Variants in GRIA4 observed in about 807,000 individuals in gnomAD.
The protein encoded by GRIA4 is glutamate receptor 4.
In GRIA4, 34 loss-of-function variants were observed where a neutral mutation model predicts 104.0. That is an observed-to-expected ratio of 0.33 (90% CI 0.25 to 0.44). GRIA4 has a LOEUF of 0.44. GRIA4 is among the 20% of genes least tolerant of loss of function. The pLI is 1.00. For missense variants in GRIA4, 750 were observed against 1,096.5 expected (o/e 0.68, Z 4.46); for synonymous variants, 386 against 381.9 (o/e 1.01, Z -0.13).
intron 3 of GRIA4, among the ~76,000 whole-genome samples, chr11:105,729,313 A>G (rs1357677967): frequency 2.0e-5 from 3 of 152,218 alleles, no homozygotes; most frequent in Non-Finnish European, 4.4e-5. Context: ...GAAGAAGTTG[A>G]ATCCCTGAAT....
intron 3 of GRIA4, among the ~76,000 whole-genome samples, chr11:105,733,422 CT>C (rs1302991068): frequency 2.6e-5 from 4 of 151,998 alleles, no homozygotes; most frequent in African/African-American, 9.7e-5. Context: ...GGTGCCCATT[CT>C]TTAGTTTCTC....
intron 3 of GRIA4, among the ~76,000 whole-genome samples, chr11:105,694,906 T>G (rs1953215115): frequency 6.6e-6 from 1 of 152,304 alleles, no homozygotes; most frequent in Non-Finnish European, 1.5e-5. Context: ...TTATTTTTAT[T>G]AATAGCAATA....
intron 4 of GRIA4, among the ~76,000 whole-genome samples, chr11:105,782,234 C>A (rs1221365874): frequency 6.6e-6 from 1 of 152,140 alleles, no homozygotes; most frequent in Admixed American, 6.6e-5. Context: ...ATGAATCTCA[C>A]AATTAATCAG....
Position 105,751,375 on chromosome 11 carries a change from G to A in GRIA4, c.248-1606G>A, listed in dbSNP as rs559577464. Among the ~76,000 whole-genome samples, 4 of 152,252 alleles carry A rather than the reference G, an allele frequency of 2.6e-5. No individual in the cohort carries two copies. The South Asian group carries it at 6.2e-4, about 24-fold the overall frequency. The stretch of plus-strand genomic sequence containing the variant: ...GAACATTTACAGATTAGGGTCTGAC[G>A]CAGCAACTTGATTTATTAGATCACT... On this transcript the variant is annotated intron_variant, in intron 3 of 16. Coordinates refer to ENST00000282499, the MANE Select transcript of GRIA4 (RefSeq NM_000829.4).
intron 4 of GRIA4, among the ~76,000 whole-genome samples, chr11:105,849,707 TATAAATA>T (rs1944728603): frequency 6.6e-6 from 1 of 152,186 alleles, no homozygotes; most frequent in Non-Finnish European, 1.5e-5. Flanking sequence ...ATTAAGCCAG[TATAAATA>T]GAATTTCATA....
intron 7 of GRIA4, among the ~76,000 whole-genome samples, chr11:105,903,046 T>C (rs1946915443): frequency 6.6e-6 from 1 of 152,156 alleles, no homozygotes; most frequent in African/African-American, 2.4e-5. Context: ...TTAATAATCT[T>C]TTCTCAGAGG....
chr11:105,920,304 G>A (rs1274992639), intron 11 of GRIA4, among the ~76,000 whole-genome samples: 6 of 152,152 alleles, frequency 3.9e-5, no homozygotes, highest in Admixed American at 3.9e-4. Flanking sequence ...AAGGAAAAGG[G>A]TTTCTAAAGC....
chr11:105,901,897 C>T (rs1486814845), intron 7 of GRIA4, among the ~76,000 whole-genome samples: 1 of 152,134 alleles, frequency 6.6e-6, no homozygotes, highest in East Asian at 1.9e-4. Context: ...TTTTCTCTTG[C>T]CCTTTGTGAC....
chr11:105,901,167 C>T (rs533559545), intron 7 of GRIA4, among the ~76,000 whole-genome samples: 1 of 152,112 alleles, frequency 6.6e-6, no homozygotes, highest in South Asian at 2.1e-4. Context: ...TCAAAGAGCT[C>T]TCAGATATGA....
chr11:105,689,593 A>C (rs1953014093), intron 3 of GRIA4, among the ~76,000 whole-genome samples: 1 of 152,196 alleles, frequency 6.6e-6, no homozygotes, highest in Non-Finnish European at 1.5e-5. Flanking sequence ...TACACATTTT[A>C]TTGGCCAGAT....
intron 13 of GRIA4, among the ~76,000 whole-genome samples, 197 bp from the exon 14 acceptor site, chr11:105,933,525 A>T (rs1947943813): frequency 6.6e-6 from 1 of 152,170 alleles, no homozygotes; most frequent in Admixed American, 6.6e-5. Flanking sequence ...TATCATTTCC[A>T]TGATTTCCTT....
chr11:105,612,244 A>G (rs1396251880), intron 2 of GRIA4, 32 bp from the exon 3 acceptor site: 14 of 1,607,590 alleles, frequency 8.7e-6, no homozygotes, highest in Non-Finnish European at 1.2e-5. Flanking sequence ...AAGAGGAAAC[A>G]GTGAATGTGC....
At chr11:105,666,793 A>C (rs577263530) in intron 3 of GRIA4, among the ~76,000 whole-genome samples, 5 of 151,102 alleles carry the variant, frequency 3.3e-5, no homozygotes, top group Admixed American at 2.0e-4. Context: ...ACATTATTTA[A>C]TTCTCTCCTT....
intron 4 of GRIA4, among the ~76,000 whole-genome samples, chr11:105,808,553 A>T (rs749305907): frequency 6.6e-6 from 1 of 152,074 alleles, no homozygotes; most frequent in South Asian, 2.1e-4. Context: ...GTCTTTGAGC[A>T]TACCTGTAAT....
chr11:105,753,036 G>A lies in GRIA4; in HGVS notation c.303G>A (p.Arg101=), dbSNP rs1370297802. ...VFAIFGLYDK[R]SVHTLTSFCS... is the part of the protein sequence containing the mutation. The stretch of plus-strand genomic sequence containing the variant: ...CCATTTTTGGACTCTATGATAAGAG[G>A]TCGGTACATACCTTGACCTCATTCT... Residue 101 remains arginine, a synonymous_variant, in exon 4 of 17, where the codon AGG becomes AGA. Transcript: ENST00000282499. The A allele has an allele frequency of 1.2e-6, 2 of 1,613,312 alleles. No homozygotes were observed. The highest frequency in any genetic ancestry group is 1.7e-6 in the Non-Finnish European group (2 of 1,179,376).
At chr11:105,939,073 C>T (rs1322603420) in intron 14 of GRIA4, among the ~76,000 whole-genome samples, 1 of 152,044 alleles carries the variant, frequency 6.6e-6, no homozygotes, top group African/African-American at 2.4e-5. Flanking sequence ...ACTCACAAGG[C>T]ATTATACATG....
intron 3 of GRIA4, among the ~76,000 whole-genome samples, chr11:105,644,024 C>T (rs942700469): frequency 6.6e-6 from 1 of 152,088 alleles, no homozygotes; most frequent in Non-Finnish European, 1.5e-5. Context: ...TGGCCCTTGC[C>T]TTGGTTTTAA....
chr11:105,660,392 G>A (rs1951972808), intron 3 of GRIA4, among the ~76,000 whole-genome samples: 1 of 151,766 alleles, frequency 6.6e-6, no homozygotes, highest in East Asian at 1.9e-4. Context: ...TGACATTACA[G>A]ATCTAGGGAC....
chr11:105,961,515 T>C (rs917607410), intron 14 of GRIA4, among the ~76,000 whole-genome samples: 2 of 152,220 alleles, frequency 1.3e-5, no homozygotes, highest in Non-Finnish European at 2.9e-5. Flanking sequence ...TAATGTAGTA[T>C]GAAGAGAGCA....
Sources: allele counts gnomAD v4.1 joint callset (sites outside exome capture counted in the v4.1 genomes callset), GRCh38; gene constraint gnomAD v4.1.1; transcripts MANE v1.5; gene names NCBI Gene and HGNC (gene_info 2026-07-23, HGNC 2026-07-21).